The following LOC400499 variants were observed in gnomAD, a reference collection of about 807,000 sequenced individuals.
chr16:11,502,440 C>T, the LOC400499 span, among the ~76,000 whole-genome samples: 4 of 152,162 alleles, frequency 2.6e-5, no homozygotes, highest in Admixed American at 6.5e-5. Flanking sequence ...CTACTATGTG[C>T]CTTGCATTGC....
the LOC400499 span, chr16:11,407,456 G>T: frequency 2.5e-6 from 1 of 395,840 alleles, no homozygotes; most frequent in Non-Finnish European, 4.4e-6. Context: ...CAAAGTCCCA[G>T]GCCCAAGAGA....
chr16:11,450,930 A>C, the LOC400499 span: 2 of 932,106 alleles, frequency 2.1e-6, no homozygotes, highest in Non-Finnish European at 1.6e-6. Context: ...CAAATCTCAA[A>C]ACTGGGAATA....
At chr16:11,509,477 C>T in the LOC400499 span, among the ~76,000 whole-genome samples, 1 of 151,908 alleles carries the variant, frequency 6.6e-6, no homozygotes, top group Non-Finnish European at 1.5e-5. Flanking sequence ...TTGTAAAGAT[C>T]TCCAAGCCAT....
the LOC400499 span, among the ~76,000 whole-genome samples, chr16:11,382,138 A>T: frequency 1.3e-5 from 2 of 151,564 alleles, no homozygotes; most frequent in Non-Finnish European, 2.9e-5. Context: ...GGGTTTCGCC[A>T]TGTTGGCCAG....
chr16:11,390,195 T>G, the LOC400499 span: 2 of 1,232,446 alleles, frequency 1.6e-6, no homozygotes, highest in Non-Finnish European at 2.0e-6. Context: ...CAGCATCTGT[T>G]GGGCGGCCTG....
At chr16:11,446,839 T>C in the LOC400499 span, 82 of 1,536,040 alleles carry the variant, frequency 5.3e-5, no homozygotes, top group African/African-American at 9.6e-4. Context: ...GGAATAGCGC[T>C]GGTGTCGCCT....
chr16:11,394,484 C>A, the LOC400499 span, among the ~76,000 whole-genome samples: 1 of 152,224 alleles, frequency 6.6e-6, no homozygotes, highest in Non-Finnish European at 1.5e-5. Flanking sequence ...CAATGGTTCA[C>A]AAAACTTAAC....
At chr16:11,525,335 G>A in the LOC400499 span, among the ~76,000 whole-genome samples, 10 of 151,180 alleles carry the variant, frequency 6.6e-5, no homozygotes, top group South Asian at 6.3e-4. Context: ...TCCCCAAAAC[G>A]GGGAGGGGTG....
chr16:11,376,646 G>C, the LOC400499 span, among the ~76,000 whole-genome samples: 4 of 152,058 alleles, frequency 2.6e-5, no homozygotes, highest in Non-Finnish European at 5.9e-5. Flanking sequence ...TTTGTTCTTT[G>C]TTTTCAAGAT....
At chr16:11,391,623 T>A in the LOC400499 span, 1 of 1,231,048 alleles carries the variant, frequency 8.1e-7, no homozygotes. Context: ...AGGGGGGACA[T>A]TGATTTCCGC....
the LOC400499 span, chr16:11,391,747 T>C: frequency 8.1e-7 from 1 of 1,232,156 alleles, no homozygotes; most frequent in Non-Finnish European, 1.0e-6. Context: ...AGTGCCTGGC[T>C]CCGGGCCCAC....
At chr16:11,509,659 G>A in the LOC400499 span, among the ~76,000 whole-genome samples, 1 of 151,730 alleles carries the variant, frequency 6.6e-6, no homozygotes, top group East Asian at 2.0e-4. Flanking sequence ...GGTGAAACCT[G>A]TCTCTATTAA....
At chr16:11,389,682 T>A in the LOC400499 span, among the ~76,000 whole-genome samples, 1 of 39,348 alleles carries the variant, frequency 2.5e-5, no homozygotes, top group Non-Finnish European at 5.2e-5. Context: ...CAAAACTCCA[T>A]CTCAAAAAAA....
the LOC400499 span, chr16:11,450,718 C>T: frequency 2.6e-6 from 4 of 1,536,044 alleles, no homozygotes; most frequent in African/African-American, 4.1e-5. Context: ...CCAGGCCTTG[C>T]CCAGCGTTAG....
chr16:11,398,186 T>C, the LOC400499 span, among the ~76,000 whole-genome samples: 3 of 152,168 alleles, frequency 2.0e-5, no homozygotes, highest in Non-Finnish European at 2.9e-5. Flanking sequence ...AGAGAGGAGA[T>C]GTGCACTGCC....
the LOC400499 span, among the ~76,000 whole-genome samples, chr16:11,456,117 T>C: frequency 6.6e-6 from 1 of 151,794 alleles, no homozygotes; most frequent in African/African-American, 2.4e-5. Flanking sequence ...TGATCTCTGC[T>C]CACCGAAACC....
chr16:11,405,069 G>T, the LOC400499 span, among the ~76,000 whole-genome samples: 1 of 152,174 alleles, frequency 6.6e-6, no homozygotes, highest in Non-Finnish European at 1.5e-5. Context: ...AGTAGGTGAG[G>T]GGAGTATGGC....
At chr16:11,445,356 G>A in the LOC400499 span, among the ~76,000 whole-genome samples, 1 of 152,092 alleles carries the variant, frequency 6.6e-6, no homozygotes, top group Non-Finnish European at 1.5e-5. Context: ...GGGAGGCCGA[G>A]GTTGCAGTGA....
At chr16:11,514,885 C>A in the LOC400499 span, among the ~76,000 whole-genome samples, 6 of 152,198 alleles carry the variant, frequency 3.9e-5, no homozygotes, top group Non-Finnish European at 8.8e-5. Flanking sequence ...CTCTTAGATG[C>A]TGAGACTTTT....
Sources: gnomAD v4.1 joint callset for allele counts (sites outside exome capture counted in the v4.1 genomes callset) on GRCh38, gnomAD v4.1.1 for gene constraint, MANE v1.5 for transcripts.